Variants in ADGRB3 observed in about 807,000 individuals in gnomAD.
ADGRB3 encodes adhesion G protein-coupled receptor B3.
A neutral mutation model predicts 193.4 loss-of-function variants in ADGRB3; 37 were observed. The ratio of observed to expected loss-of-function variants is 0.19; its 90% CI spans 0.15 to 0.25. The LOEUF (loss-of-function observed/expected upper bound fraction) is 0.25. Ranked by LOEUF, ADGRB3 falls within the 10% of genes least tolerant of loss-of-function variation. The pLI is 1.00. For missense variants in ADGRB3, 1,637 were observed against 1,852.9 expected (o/e 0.88, Z 2.14); for synonymous variants, 690 against 644.2 (o/e 1.07, Z -1.08).
In ADGRB3 at chr6:68,977,888, C is replaced by T. The variant is rs568636729; in HGVS notation, c.1734+2548C>T. 1.4e-4 allele frequency among the ~76,000 whole-genome samples: 20 copies of T among 146,296 alleles called. No individual in the cohort carries two copies. In the East Asian group the frequency reaches 1.9e-3, roughly 14 times the overall value. On this transcript the variant is annotated intron_variant, in intron 10 of 31. Coordinates refer to ENST00000370598, the MANE Select transcript of ADGRB3 (RefSeq NM_001704.3). ...TAAAGAGTGAAAAGTATGCCCTAGG[C>T]GCAATTGTTCCAAAACCTAATCTCT...
intron 13 of ADGRB3, among the ~76,000 whole-genome samples, chr6:69,020,919 T>C (rs1358257892): frequency 6.6e-6 from 1 of 152,016 alleles, no homozygotes. Context: ...TTTTATGTTA[T>C]CCAATTTGAT....
At chr6:69,054,410 G>A (rs1771485942) in intron 15 of ADGRB3, among the ~76,000 whole-genome samples, 1 of 152,076 alleles carries the variant, frequency 6.6e-6, no homozygotes, top group Non-Finnish European at 1.5e-5. Flanking sequence ...TTACACAAAT[G>A]CACGCTGAAA....
At chr6:69,136,421 T>TA (rs996394000) in intron 17 of ADGRB3, among the ~76,000 whole-genome samples, 7 of 152,126 alleles carry the variant, frequency 4.6e-5, no homozygotes, top group African/African-American at 1.4e-4. Context: ...AAGCTCTTCT[T>TA]TATATGTGGA....
At chr6:68,877,237 G>A (rs949723986) in intron 3 of ADGRB3, among the ~76,000 whole-genome samples, 7 of 151,384 alleles carry the variant, frequency 4.6e-5, no homozygotes, top group Middle Eastern at 3.4e-3. Flanking sequence ...AATAATCTAC[G>A]TACTTTTTTT....
intron 3 of ADGRB3, among the ~76,000 whole-genome samples, chr6:68,821,574 T>C (rs2127380395): frequency 6.6e-6 from 1 of 152,040 alleles, no homozygotes; most frequent in South Asian, 2.1e-4. Context: ...CACTTGTTTA[T>C]TATTTGTTTC....
At chr6:69,127,908 T>TA (rs10664649) in intron 17 of ADGRB3, among the ~76,000 whole-genome samples, 4 of 151,114 alleles carry the variant, frequency 2.6e-5, no homozygotes, top group Non-Finnish European at 5.9e-5. Flanking sequence ...TTTTTTTTGT[T>TA]TTTTTTTTCT....
Position 69,361,383 on chromosome 6 carries a change from G to A in ADGRB3, c.4110G>A (p.Gln1370=), listed in dbSNP as rs756053731. 5.0e-6 allele frequency: 8 copies of A among 1,613,016 alleles called. No homozygotes were observed. In the South Asian group the frequency reaches 7.7e-5, roughly 15 times the overall value. Residue 1370 remains glutamine (Q), a synonymous_variant, in exon 29 of 32, where the codon CAG becomes CAA. Transcript: ENST00000370598. ...ACTTAGAGCAACATCTCGCACCCCA[G>A]GAACATATGCAGAATTTGCCCTTTG... ...NMNLEQHLAP[Q]EHMQNLPFEP... is the part of the protein sequence containing the mutation.
chr6:68,808,108 CAAAT>C lies in ADGRB3; in HGVS notation c.758-122447_758-122444del, dbSNP rs548098106. Among the ~76,000 whole-genome samples, 1,387 of 152,192 alleles carry C rather than the reference CAAAT, an allele frequency of 9.1e-3. 7 individuals are homozygous for C. Among genetic ancestry groups the C allele is most frequent in the Non-Finnish European group, 0.014 (970 of 67,996 alleles). On this transcript the variant is annotated intron_variant, in intron 3 of 31. Coordinates refer to ENST00000370598, the MANE Select transcript of ADGRB3 (RefSeq NM_001704.3). Reference sequence around the variant, plus strand: ...CCTCTTACTCCTGAAAAAATAAAGACAAATAAAATTATTTTTATTTTACAATGGA... The same window carrying C: ...CCTCTTACTCCTGAAAAAATAAAGACAAAATTATTTTTATTTTACAATGGA...
intron 3 of ADGRB3, among the ~76,000 whole-genome samples, chr6:68,889,854 A>G (rs926022777): frequency 2.0e-5 from 3 of 152,140 alleles, no homozygotes; most frequent in African/African-American, 4.8e-5. Flanking sequence ...GGGTTTGTTG[A>G]TAACATTTGC....
intron 30 of ADGRB3, among the ~76,000 whole-genome samples, chr6:69,382,260 C>T (rs1769965205): frequency 6.6e-6 from 1 of 151,756 alleles, no homozygotes; most frequent in South Asian, 2.1e-4. Context: ...TCAGATTTTC[C>T]CCCTAAGAAG....
chr6:68,803,587 A>G (rs1163902513), intron 3 of ADGRB3, among the ~76,000 whole-genome samples: 1 of 152,110 alleles, frequency 6.6e-6, no homozygotes. Flanking sequence ...TATGTTTCTC[A>G]TACCTTTGAC....
At chr6:69,054,689 T>A (rs527461308) in intron 15 of ADGRB3, among the ~76,000 whole-genome samples, 1 of 152,182 alleles carries the variant, frequency 6.6e-6, no homozygotes, top group Non-Finnish European at 1.5e-5. Context: ...TGGTCAGATA[T>A]TTTAAAAGTG....
intron 3 of ADGRB3, among the ~76,000 whole-genome samples, chr6:68,718,666 T>A (rs1266815678): frequency 6.6e-6 from 1 of 151,794 alleles, no homozygotes; most frequent in Non-Finnish European, 1.5e-5. Flanking sequence ...TCAGTCAAAA[T>A]CTGTCTCTCA....
At chr6:68,922,948 T>C (rs1767084847) in intron 3 of ADGRB3, among the ~76,000 whole-genome samples, 1 of 152,166 alleles carries the variant, frequency 6.6e-6, no homozygotes, top group South Asian at 2.1e-4. Context: ...AAAGGAATTT[T>C]TACGTAGTAG....
intron 3 of ADGRB3, among the ~76,000 whole-genome samples, chr6:68,884,483 T>G (rs1296635843): frequency 6.6e-6 from 1 of 151,858 alleles, no homozygotes; most frequent in Non-Finnish European, 1.5e-5. Flanking sequence ...GAGAAAAAAT[T>G]AGTTGAAAAA....
At chr6:68,790,853 A>G (rs1767091936) in intron 3 of ADGRB3, among the ~76,000 whole-genome samples, 1 of 152,158 alleles carries the variant, frequency 6.6e-6, no homozygotes, top group Non-Finnish European at 1.5e-5. Flanking sequence ...CAGAGCAGAA[A>G]AACCGGAAAC....
chr6:68,961,736 T>C (rs1394370361), intron 8 of ADGRB3, among the ~76,000 whole-genome samples: 1 of 152,190 alleles, frequency 6.6e-6, no homozygotes, highest in Admixed American at 6.6e-5. Flanking sequence ...CATAATGAAA[T>C]ATTTGCATAC....
chr6:68,927,493 C>T (rs1411458562), intron 3 of ADGRB3, among the ~76,000 whole-genome samples: 1 of 152,034 alleles, frequency 6.6e-6, no homozygotes, highest in Non-Finnish European at 1.5e-5. Context: ...ATAATGCCAT[C>T]TTGAAAGACA....
intron 11 of ADGRB3, among the ~76,000 whole-genome samples, chr6:69,011,342 G>A (rs921092239): frequency 2.6e-5 from 4 of 151,956 alleles, no homozygotes; most frequent in African/African-American, 9.7e-5. Context: ...GGATGCAGCT[G>A]GAGGCCATTA....
Sources: allele counts gnomAD v4.1 joint callset (sites outside exome capture counted in the v4.1 genomes callset), GRCh38; gene constraint gnomAD v4.1.1; transcripts MANE v1.5; gene names NCBI Gene and HGNC (gene_info 2026-07-23, HGNC 2026-07-21).